The following HOOK3 variants were observed in gnomAD, a reference collection of about 807,000 sequenced individuals.
The protein encoded by HOOK3 is hook microtubule tethering protein 3.
In HOOK3, 24 loss-of-function variants were observed where a neutral mutation model predicts 116.3. That is an observed-to-expected ratio of 0.21 (90% CI 0.15 to 0.29). HOOK3 has a LOEUF of 0.29. Ranked by LOEUF, HOOK3 falls within the 10% of genes least tolerant of loss-of-function variation. The pLI is 1.00. For synonymous variants in HOOK3, 275 were observed against 283.0 expected, an observed-to-expected ratio of 0.97 and a Z score of 0.28; for missense variants, 632 against 830.2, an observed-to-expected ratio of 0.76 and a Z score of 2.93.
intron 15 of HOOK3, 90 bp downstream of exon 15, chr8:42,986,885 G>A (rs958379609): frequency 6.6e-6 from 9 of 1,367,140 alleles, no homozygotes; most frequent in Middle Eastern, 1.8e-4. Context: ...GGCAGGGCAT[G>A]GTGGCTCACG....
At chr8:42,923,331 A>G (rs1807697678) in intron 2 of HOOK3, among the ~76,000 whole-genome samples, 1 of 152,248 alleles carries the variant, frequency 6.6e-6, no homozygotes. Flanking sequence ...CATATACCCA[A>G]ATGAAACAAA....
At chr8:42,947,014 C>G (rs1260312351) in intron 5 of HOOK3, among the ~76,000 whole-genome samples, 5 of 152,136 alleles carry the variant, frequency 3.3e-5, no homozygotes, top group Non-Finnish European at 5.9e-5. Context: ...CATGATCCGC[C>G]TGCCTCGGCC....
rs1271517727 is a variant in HOOK3, at chr8:42,939,660, G to T, written c.268-3653G>T. ...TCCCTCCCGGACGGGGTGGCTGCCG[G>T]GCAGAGACGCTCCTCACTCCCCAGA... On this transcript the variant is annotated intron_variant, in intron 4 of 21. Transcript: ENST00000307602. Among the ~76,000 whole-genome samples, 4 of 151,324 alleles carry T rather than the reference G, an allele frequency of 2.6e-5. No homozygotes were observed. The South Asian group carries it at 8.3e-4, about 32-fold the overall frequency.
At chr8:42,944,539 G>T (rs1388596664) in intron 5 of HOOK3, among the ~76,000 whole-genome samples, 1 of 152,168 alleles carries the variant, frequency 6.6e-6, no homozygotes, top group African/African-American at 2.4e-5. Context: ...AAATTAATGG[G>T]GCCGGGCGCA....
At chr8:42,946,489 GTTACTA>G (rs1427380340) in intron 5 of HOOK3, among the ~76,000 whole-genome samples, 2 of 152,008 alleles carry the variant, frequency 1.3e-5, no homozygotes, top group Non-Finnish European at 1.5e-5. Flanking sequence ...AGCACAGTAT[GTTACTA>G]TTACTTATGT....
At chr8:42,924,466 T>C (rs539197647) in intron 2 of HOOK3, among the ~76,000 whole-genome samples, 4 of 152,186 alleles carry the variant, frequency 2.6e-5, no homozygotes, top group Non-Finnish European at 5.9e-5. Flanking sequence ...TGTTTTATCT[T>C]AAATTTTAAG....
chr8:42,917,777 G>T (rs1807560906), intron 2 of HOOK3, among the ~76,000 whole-genome samples: 2 of 152,114 alleles, frequency 1.3e-5, no homozygotes, highest in African/African-American at 4.8e-5. Context: ...TCTCATAAAT[G>T]GATATTTTTT....
chr8:43,013,282 T>C (rs780049780), intron 20 of HOOK3, 47 bp from the exon 21 acceptor site: 1 of 1,469,234 alleles, frequency 6.8e-7, no homozygotes, highest in Non-Finnish European at 9.2e-7. Context: ...TTATATTGAG[T>C]TATTTTATAT....
chr8:43,012,982 T>C, intron 19 of HOOK3, 69 bp from the exon 20 acceptor site: 1 of 918,038 alleles, frequency 1.1e-6, no homozygotes, highest in Non-Finnish European at 1.7e-6. Flanking sequence ...AAAATAGTCA[T>C]TCTTTTCTTA....
At chr8:42,912,331 C>A (rs1807447443) in intron 2 of HOOK3, among the ~76,000 whole-genome samples, 1 of 151,946 alleles carries the variant, frequency 6.6e-6, no homozygotes, top group African/African-American at 2.4e-5. Flanking sequence ...ATCTGATTTA[C>A]AGCCTTCAAA....
intron 2 of HOOK3, among the ~76,000 whole-genome samples, chr8:42,906,998 T>C (rs1807323708): frequency 1.3e-5 from 2 of 152,256 alleles, no homozygotes; most frequent in South Asian, 4.1e-4. Context: ...TACCCAATTC[T>C]TCTGAGTACT....
chr8:43,008,618 C>T (rs1809539505), intron 18 of HOOK3, among the ~76,000 whole-genome samples: 1 of 147,828 alleles, frequency 6.8e-6, no homozygotes, highest in African/African-American at 2.4e-5. Flanking sequence ...CATACCTGGC[C>T]TATATTAAAT....
chr8:42,957,899 G>A (rs942214447), intron 7 of HOOK3, among the ~76,000 whole-genome samples: 7 of 147,740 alleles, frequency 4.7e-5, no homozygotes, highest in African/African-American at 5.1e-5. Context: ...GCGCAATCTC[G>A]GCTCACTGCA....
intron 15 of HOOK3, among the ~76,000 whole-genome samples, chr8:42,995,449 T>C (rs372535398): frequency 1.3e-5 from 2 of 152,348 alleles, no homozygotes; most frequent in East Asian, 3.8e-4. Flanking sequence ...ATTTCAATAA[T>C]ACCCATCTCT....
intron 2 of HOOK3, among the ~76,000 whole-genome samples, chr8:42,913,600 C>T (rs1807476317): frequency 6.6e-6 from 1 of 152,210 alleles, no homozygotes; most frequent in Non-Finnish European, 1.5e-5. Flanking sequence ...TTTGTATGAA[C>T]ATATGCTTCA....
chr8:42,907,825 A>G (rs1807342098), intron 2 of HOOK3, among the ~76,000 whole-genome samples: 1 of 150,850 alleles, frequency 6.6e-6, no homozygotes, highest in South Asian at 2.1e-4. Flanking sequence ...GCAAAAAAAA[A>G]AAAAAAAAAA....
At chr8:43,001,962 G>A (rs1809389833) in intron 16 of HOOK3, 145 bp from the exon 17 acceptor site, 1 of 569,518 alleles carries the variant, frequency 1.8e-6, no homozygotes, top group African/African-American at 1.9e-5. Flanking sequence ...TTAAACTGGG[G>A]TACATTGTGT....
chr8:42,946,721 C>G, intron 5 of HOOK3, among the ~76,000 whole-genome samples: 1 of 148,660 alleles, frequency 6.7e-6, no homozygotes, highest in East Asian at 2.0e-4. Context: ...TTTCTTTTCT[C>G]TAGCCCCATT....
At chr8:43,010,282 A>G (rs1225427778) in intron 18 of HOOK3, 23 bp from the exon 19 acceptor site, 2 of 677,288 alleles carry the variant, frequency 3.0e-6, no homozygotes, top group Non-Finnish European at 4.2e-6. Flanking sequence ...AAATATATAT[A>G]TTTTACTGTG....
Sources: allele counts gnomAD v4.1 joint callset (sites outside exome capture counted in the v4.1 genomes callset), GRCh38; gene constraint gnomAD v4.1.1; transcripts MANE v1.5; gene names NCBI Gene and HGNC (gene_info 2026-07-23, HGNC 2026-07-21).